TIAM2: variants seen among roughly 807,000 people sequenced by gnomAD.
TIAM2 encodes the protein rho guanine nucleotide exchange factor TIAM2.
In TIAM2, 80 loss-of-function variants were observed where a neutral mutation model predicts 152.9. The observed-to-expected ratio is 0.52, with a 90% CI of 0.44 to 0.63. The LOEUF (loss-of-function observed/expected upper bound fraction) is 0.63. Ranked by LOEUF, TIAM2 falls within the 30% of genes least tolerant of loss-of-function variation. The pLI, the probability that TIAM2 is intolerant of heterozygous loss-of-function variation, is 0.00. For missense variants in TIAM2, 1,965 were observed against 2,120.1 expected (o/e 0.93, Z 1.44); for synonymous variants, 804 against 838.0 (o/e 0.96, Z 0.70).
intron 14 of TIAM2, among the ~76,000 whole-genome samples, chr6:155,200,700 C>T (rs976115624): frequency 3.3e-5 from 5 of 151,994 alleles, no homozygotes; most frequent in Admixed American, 2.0e-4. Context: ...GTCAAGAGAT[C>T]GAGACCATCC....
At chr6:155,024,656 A>G (rs1245055993) in intron 1 of TIAM2, among the ~76,000 whole-genome samples, 1 of 151,806 alleles carries the variant, frequency 6.6e-6, no homozygotes, top group African/African-American at 2.4e-5. Context: ...TGTCTTTAAA[A>G]AAAAAAAAAA....
intron 15 of TIAM2, among the ~76,000 whole-genome samples, chr6:155,225,094 T>C (rs932560140): frequency 6.6e-6 from 1 of 152,196 alleles, no homozygotes; most frequent in African/African-American, 2.4e-5. Context: ...TAGCTGGGAT[T>C]ACAGGCATGC....
chr6:155,163,500 G>T (rs1037578002), intron 7 of TIAM2, among the ~76,000 whole-genome samples: 2 of 152,184 alleles, frequency 1.3e-5, no homozygotes, highest in Non-Finnish European at 2.9e-5. Context: ...TTTTGAAGAA[G>T]TTCATAGTAA....
At chr6:155,075,380 C>T (rs889564866) in intron 1 of TIAM2, among the ~76,000 whole-genome samples, 1 of 150,628 alleles carries the variant, frequency 6.6e-6, no homozygotes, top group Non-Finnish European at 1.5e-5. Context: ...ACCAACTCTT[C>T]AAGACAGCTG....
In TIAM2 at chr6:155,106,660, G is replaced by T. The variant is rs527807504; in HGVS notation, c.-118+16281G>T. Among the ~76,000 whole-genome samples, 5 of 152,338 alleles carry T rather than the reference G, an allele frequency of 3.3e-5. No homozygotes were observed. In the East Asian group the frequency reaches 9.6e-4, roughly 29 times the overall value. ...TACTGCTCTAAATGCAAGGATGGTA[G>T]GTGTGTATTCTTACTGCTAAAGGGC... is the stretch of plus-strand genomic sequence containing the variant. On this transcript the variant is annotated intron_variant, in intron 2 of 26. Transcript: ENST00000682666.
rs12111459 is a variant in TIAM2 at position 155,098,239 on chromosome 6, G to A, written c.-118+7860G>A. ...TGTCATTGGTATTTTGATAGGGATT[G>A]CATTGAATCTGTAAATTGCTTTGCG... On this transcript the variant is annotated intron_variant, in intron 2 of 26. Coordinates refer to ENST00000682666, the MANE Select transcript of TIAM2 (RefSeq NM_012454.4). 8.1e-3 allele frequency among the ~76,000 whole-genome samples: 1,234 copies of A among 152,174 alleles called. 12 individuals carry two copies. The highest frequency in any genetic ancestry group is 0.028 in the African/African-American group (1,165 of 41,524).
intron 8 of TIAM2, among the ~76,000 whole-genome samples, chr6:155,165,025 G>A (rs1009024853): frequency 6.6e-6 from 1 of 152,134 alleles, no homozygotes; most frequent in African/African-American, 2.4e-5. Flanking sequence ...CTCAGCCTAG[G>A]GGTCTGTAGT....
At chr6:155,016,624 C>T (rs1484344093) in intron 1 of TIAM2, among the ~76,000 whole-genome samples, 1 of 136,882 alleles carries the variant, frequency 7.3e-6, no homozygotes. Flanking sequence ...CTCGACTGGG[C>T]TTGGTGGCTC....
intron 4 of TIAM2, among the ~76,000 whole-genome samples, chr6:155,134,022 C>G (rs1779502845): frequency 6.6e-6 from 1 of 152,124 alleles, no homozygotes; most frequent in African/African-American, 2.4e-5. Flanking sequence ...TGAGTTTTTA[C>G]TCTTGAGTCT....
intron 2 of TIAM2, among the ~76,000 whole-genome samples, chr6:155,092,209 C>G (rs774745572): frequency 6.8e-6 from 1 of 147,456 alleles, no homozygotes; most frequent in Non-Finnish European, 1.5e-5. Context: ...GCAGTCCTCC[C>G]ACCTCAGCCT....
At chr6:155,028,126 A>G (rs559204163) in intron 1 of TIAM2, among the ~76,000 whole-genome samples, 1 of 104,274 alleles carries the variant, frequency 9.6e-6, no homozygotes, top group African/African-American at 4.5e-5. Flanking sequence ...TGTTACATAT[A>G]TACTATATAT....
chr6:155,049,380 G>A (rs1047663120), intron 1 of TIAM2, among the ~76,000 whole-genome samples: 1 of 152,050 alleles, frequency 6.6e-6, no homozygotes, highest in African/African-American at 2.4e-5. Context: ...TTCATACCTG[G>A]ACTTTATTGC....
In TIAM2 at chr6:155,208,243, G is replaced by A. The variant is rs1403614444; in HGVS notation, c.3065-2961G>A. ...GCAGCACTAATGCAAATTTGATTCT[G>A]TAACCTAGGTAATGCACTTTTACAT... On this transcript the variant is annotated intron_variant, in intron 14 of 26. Coordinates refer to ENST00000682666, the MANE Select transcript of TIAM2 (RefSeq NM_012454.4). Among the ~76,000 whole-genome samples the A allele has an allele frequency of 2.6e-5, 4 of 152,138 alleles. No individual in the cohort carries two copies. In the East Asian group the frequency reaches 7.7e-4, roughly 29 times the overall value.
rs373788314 is a variant in TIAM2 at position 155,130,121 on chromosome 6, C to T, written c.898C>T (p.Arg300Trp). ...FNQSSSLSSL[R>W]ELYKDANLGS... ...CCAAAGCTCTTCCCTCTCCTCCCTC[C>T]GGGAACTGTACAAAGATGCCAACCT... is the stretch of plus-strand genomic sequence containing the variant. The change falls in exon 4 of 27, where the codon CGG becomes TGG. Residue 300 changes from arginine (R) to tryptophan (W), a missense_variant. Arg to Trp is a moderately radical substitution (Grantham distance 101). Transcript: ENST00000682666. 4.2e-5 allele frequency: 67 copies of T among 1,614,070 alleles called. No individual in the cohort carries two copies. In the East Asian group the frequency reaches 4.2e-4, roughly 10 times the overall value.
At chr6:155,007,389 CTTTT>C (rs35138795) in intron 1 of TIAM2, among the ~76,000 whole-genome samples, 1 of 143,782 alleles carries the variant, frequency 7.0e-6, no homozygotes, top group Admixed American at 6.9e-5. Context: ...TTCTTTCTTT[CTTTT>C]TTTTTTTTTG....
At chr6:155,075,547 A>C (rs1777937153) in intron 1 of TIAM2, among the ~76,000 whole-genome samples, 1 of 152,216 alleles carries the variant, frequency 6.6e-6, no homozygotes, top group Non-Finnish European at 1.5e-5. Context: ...ACACAGAAGG[A>C]GAGAATAAAG....
Position 155,165,401 on chromosome 6 carries a change from A to G in TIAM2, c.2353A>G (p.Ile785Val), listed in dbSNP as rs62621836. Reference sequence around the variant, plus strand: ...AAAAGGCAAGGAGAAGAGACCTTCTATAACTCAGGTGAGCTTTTCAGCATG... The same window carrying G: ...AAAAGGCAAGGAGAAGAGACCTTCTGTAACTCAGGTGAGCTTTTCAGCATG... Reference protein sequence around the residue: ...ARKGKEKRPSITQVDELLHIY... With the variant: ...ARKGKEKRPSVTQVDELLHIY... Residue 785 changes from isoleucine to valine, a missense_variant, in exon 9 of 27, where the codon ATA (isoleucine) becomes GTA (valine). Coordinates refer to ENST00000682666, the MANE Select transcript of TIAM2 (RefSeq NM_012454.4). 6,085 of 1,611,642 alleles carry G rather than the reference A, an allele frequency of 3.8e-3. 218 individuals carry two copies. The African/African-American group carries it at 0.073, about 19-fold the overall frequency.
At chr6:155,016,506 C>A (rs369308416) in intron 1 of TIAM2, 7 of 51,714 alleles carry the variant, frequency 1.4e-4, no homozygotes, top group East Asian at 2.9e-4. Context: ...ATGGTATTTA[C>A]ATTTAAATGG....
chr6:155,109,431 A>C (rs1778782508), intron 2 of TIAM2, among the ~76,000 whole-genome samples: 1 of 152,260 alleles, frequency 6.6e-6, no homozygotes, highest in South Asian at 2.1e-4. Flanking sequence ...AAGGGCTAGA[A>C]AAAAGATAAA....
Sources: allele counts gnomAD v4.1 joint callset (sites outside exome capture counted in the v4.1 genomes callset), GRCh38; gene constraint gnomAD v4.1.1; transcripts MANE v1.5; gene names NCBI Gene and HGNC (gene_info 2026-07-23, HGNC 2026-07-21).